LGALS2: variants seen among roughly 807,000 people sequenced by gnomAD.
LGALS2 encodes the protein galectin-2.
LGALS2 carries 7 observed loss-of-function variants against 10.1 expected under a neutral mutation model. The observed-to-expected ratio is 0.70, with a 90% CI of 0.40 to 1.31. The LOEUF (loss-of-function observed/expected upper bound fraction) is 1.31. LGALS2 is among the 50% of genes most tolerant of loss of function. LGALS2 has a pLI of 0.01. For missense variants in LGALS2, 167 were observed against 163.6 expected (o/e 1.02, Z -0.11); for synonymous variants, 86 against 64.2 (o/e 1.34, Z -1.63).
intron 1 of LGALS2, among the ~76,000 whole-genome samples, chr22:37,577,781 A>C (rs1281842590): frequency 6.6e-6 from 1 of 152,206 alleles, no homozygotes; most frequent in African/African-American, 2.4e-5. Context: ...CAGTGTTCTC[A>C]TAAGAGGAGA....
In LGALS2 at chr22:37,580,056, C is replaced by A; in HGVS notation, c.-151G>T. On this transcript the variant is annotated 5_prime_UTR_variant, in exon 1 of 4. Transcript: ENST00000215886. Reference sequence around the variant, plus strand: ...TTGCCCCTTCTACCTTGTGTCTCCCCGCCTGCATCTCCCAGTACCCAGCAC... The same window carrying A: ...TTGCCCCTTCTACCTTGTGTCTCCCAGCCTGCATCTCCCAGTACCCAGCAC... 3.2e-6 allele frequency: 2 copies of A among 628,296 alleles called. No individual in the cohort carries two copies. Among genetic ancestry groups the A allele is most frequent in the East Asian group, 5.6e-5 (2 of 35,472 alleles). 38.9% of individuals were successfully genotyped at this position (628,296 alleles called of 1,614,324 possible).
intron 1 of LGALS2, among the ~76,000 whole-genome samples, chr22:37,572,769 A>AAATAATAATAATAATAATAAT (rs10633102): frequency 1.1e-3 from 144 of 136,404 alleles, no homozygotes; most frequent in African/African-American, 3.8e-3. Flanking sequence ...TCCATCTCAA[A>AAATAATAATAATAATAATAAT]AATAATAATA....
In LGALS2 at chr22:37,570,666, G is replaced by A. The variant is rs751753053; in HGVS notation, c.159C>T (p.Ser53=). ...CGTCCAATGAGTTGCAGACAATGGTGGATTCGCTGAAGCGAGGGTTGAAAT... is the reference window on the plus strand; with the variant it reads ...CGTCCAATGAGTTGCAGACAATGGTAGATTCGCTGAAGCGAGGGTTGAAAT... ...NLHFNPRFSE[S]TIVCNSLDGS... Residue 53 remains serine (S), a synonymous_variant, in exon 3 of 4, where the codon TCC becomes TCT. Coordinates refer to ENST00000215886, the MANE Select transcript of LGALS2 (RefSeq NM_006498.3). 1 of 1,614,234 alleles carries A rather than the reference G, an allele frequency of 6.2e-7. No individual in the cohort carries two copies.
At position 37,570,560 on chromosome 22, in the gene LGALS2, C is replaced by T. The variant is rs1404973765; in HGVS notation, c.249+16G>A. On this transcript the variant is annotated intron_variant, in intron 3 of 3. Coordinates refer to ENST00000215886, the MANE Select transcript of LGALS2 (RefSeq NM_006498.3). ...CCTTGACATCACCCCAGTGCCCTTT[C>T]CCCCTTTGACCTCACCTTGACCTCT... is the stretch of plus-strand genomic sequence containing the variant. 1 of 1,614,148 alleles carries T rather than the reference C, an allele frequency of 6.2e-7. No homozygotes were observed. Among genetic ancestry groups the T allele is most frequent in the Non-Finnish European group, 8.5e-7 (1 of 1,179,990 alleles).
chr22:37,573,184 C>T (rs140057), intron 1 of LGALS2, among the ~76,000 whole-genome samples: 146,040 of 152,236 alleles, frequency 0.96, 70,507 homozygotes, highest in African/African-American at 0.99. Context: ...GGCAGGAGAA[C>T]GGCTTAAGCC....
intron 1 of LGALS2, among the ~76,000 whole-genome samples, chr22:37,573,698 C>G (rs1316313459): frequency 1.3e-5 from 2 of 151,416 alleles, no homozygotes; most frequent in African/African-American, 2.4e-5. Context: ...GGACCACCAT[C>G]ATTTATTGTT....
At chr22:37,579,247 C>CAAAA (rs111697536) in intron 1 of LGALS2, among the ~76,000 whole-genome samples, 906 of 33,562 alleles carry the variant, frequency 0.027, 45 homozygotes, top group East Asian at 0.061. Context: ...GACTCCATCT[C>CAAAA]AAAAAAAAAA....
chr22:37,570,770 C>A (rs765560855), intron 2 of LGALS2, 35 bp from the exon 3 acceptor site: 4 of 1,613,486 alleles, frequency 2.5e-6, no homozygotes, highest in Non-Finnish European at 3.4e-6. Flanking sequence ...AGGTTCAGGG[C>A]TCAGGCCTGG....
chr22:37,576,697 G>T (rs972473270), intron 1 of LGALS2, among the ~76,000 whole-genome samples: 1 of 152,168 alleles, frequency 6.6e-6, no homozygotes, highest in Non-Finnish European at 1.5e-5. Context: ...CCCTGCAACA[G>T]TCAGGCCAGG....
chr22:37,570,605 G>T lies in LGALS2; in HGVS notation c.220C>A (p.Leu74Met). 1 of 1,614,258 alleles carries T rather than the reference G, an allele frequency of 6.2e-7. No individual in the cohort carries two copies. ...ACCTCTGACCCTGGGCTGAAGCACA[G>T]GTGATCTTCCCGTTGTTCTTGCCCC... Reference protein sequence around the residue: ...NWGQEQREDHLCFSPGSEVKF... With the variant: ...NWGQEQREDHMCFSPGSEVKF... The change falls in exon 3 of 4, where the codon CTG (leucine) becomes ATG (methionine). Residue 74 changes from leucine (L) to methionine (M), a missense_variant. Leu to Met is a conservative substitution (Grantham distance 15). Transcript: ENST00000215886.
At chr22:37,578,700 A>T (rs1925758983) in intron 1 of LGALS2, 1 of 152,262 alleles carries the variant, frequency 6.6e-6, no homozygotes, top group Non-Finnish European at 1.5e-5. Context: ...CTGTAATCCC[A>T]GCACTTTGGG....
chr22:37,579,808 A>C (rs951727219), intron 1 of LGALS2, 92 bp downstream of exon 1: 1 of 1,346,858 alleles, frequency 7.4e-7, no homozygotes, highest in African/African-American at 1.4e-5. Flanking sequence ...AGGCCCAGAG[A>C]GGGACAGCAA....
chr22:37,578,519 A>G (rs191115145), intron 1 of LGALS2: 11 of 152,338 alleles, frequency 7.2e-5, no homozygotes, highest in Admixed American at 6.5e-4. Context: ...TTTTATCTCT[A>G]TAAAGATCAA....
Position 37,571,863 on chromosome 22 carries a change from G to C in LGALS2, c.75C>G (p.Ala25=). 6.2e-7 allele frequency: 1 copy of C among 1,613,958 alleles called. No homozygotes were observed. Among genetic ancestry groups the C allele is most frequent in the East Asian group, 2.2e-5 (1 of 44,864 alleles). The part of the protein sequence containing the change: ...GSTLKITGSI[A]DGTDGFVINL... ...ACCTTGCTCACCCATCAGTGCCATC[G>C]GCGATGCTGCCTGTGATCTTCAGGG... The change falls in exon 2 of 4, where the codon GCC becomes GCG. Residue 25 remains alanine, a synonymous_variant. Transcript: ENST00000215886.
At chr22:37,570,913 C>G (rs895841412) in intron 2 of LGALS2, among the ~76,000 whole-genome samples, 178 bp from the exon 3 acceptor site, 2 of 152,188 alleles carry the variant, frequency 1.3e-5, no homozygotes, top group African/African-American at 4.8e-5. Context: ...GTAGCACATT[C>G]CATTTGGAGC....
Position 37,570,320 on chromosome 22 carries a change from C to A in LGALS2, c.342G>T (p.Leu114=), listed in dbSNP as rs778330631. The A allele has an allele frequency of 6.2e-7, 1 of 1,614,044 alleles. No individual in the cohort carries two copies. Residue 114 remains leucine, a synonymous_variant, in exon 4 of 4, where the codon CTG becomes CTT. Coordinates refer to ENST00000215886, the MANE Select transcript of LGALS2 (RefSeq NM_006498.3). ...TFPNRLGHSH[L]SYLSVRGGFN... ...ACCCGCCCCTTACGCTCAGGTAGCT[C>A]AGGTGGCTGTGACCCAGCCTGTTGG...
intron 1 of LGALS2, among the ~76,000 whole-genome samples, chr22:37,579,241 C>G (rs1261093704): frequency 3.9e-5 from 1 of 25,528 alleles, no homozygotes; most frequent in African/African-American, 1.5e-4. Context: ...GAGCGAGACT[C>G]CATCTCAAAA....
At chr22:37,574,511 A>C (rs995161705) in intron 1 of LGALS2, among the ~76,000 whole-genome samples, 2 of 151,964 alleles carry the variant, frequency 1.3e-5, no homozygotes, top group African/African-American at 2.4e-5. Flanking sequence ...AAAAAAAAAA[A>C]AAAAAAAAAC....
Position 37,570,594 on chromosome 22 carries a change from G to A in LGALS2, c.231C>T (p.Ser77=). The A allele has an allele frequency of 6.2e-7, 1 of 1,614,230 alleles. No homozygotes were observed. Among genetic ancestry groups the A allele is most frequent in the Non-Finnish European group, 8.5e-7 (1 of 1,180,048 alleles). Residue 77 remains serine, a synonymous_variant, in exon 3 of 4, where the codon AGC becomes AGT. Coordinates refer to ENST00000215886, the MANE Select transcript of LGALS2 (RefSeq NM_006498.3). The part of the protein sequence containing the change: ...QEQREDHLCF[S]PGSEVKFTVT... ...ACCTCACCTTGACCTCTGACCCTGG[G>A]CTGAAGCACAGGTGATCTTCCCGTT... is the stretch of plus-strand genomic sequence containing the variant.
Sources: allele counts gnomAD v4.1 joint callset (sites outside exome capture counted in the v4.1 genomes callset), GRCh38; gene constraint gnomAD v4.1.1; transcripts MANE v1.5; gene names NCBI Gene and HGNC (gene_info 2026-07-23, HGNC 2026-07-21).